Variants in SOS2 observed in about 807,000 individuals in gnomAD.
SOS2 encodes the protein SOS Ras/Rho guanine nucleotide exchange factor 2.
In SOS2, 65 loss-of-function variants were observed where a neutral mutation model predicts 148.2. The observed-to-expected ratio is 0.44, with a 90% confidence interval of 0.36 to 0.54. SOS2 has a LOEUF of 0.54. Among genes scored for constraint, SOS2 ranks in the 20% least tolerant of loss-of-function variants. SOS2 has a pLI of 0.00. For missense variants in SOS2, 1,341 were observed against 1,590.2 expected (o/e 0.84, Z 2.67); for synonymous variants, 539 against 537.1 (o/e 1.00, Z -0.05).
intron 2 of SOS2, 51 bp from the exon 3 acceptor site, chr14:50,201,135 T>G: frequency 6.4e-7 from 1 of 1,563,138 alleles, no homozygotes; most frequent in East Asian, 2.2e-5. Context: ...TGTTCATAAA[T>G]AGGAAATTCA....
intron 13 of SOS2, among the ~76,000 whole-genome samples, chr14:50,152,228 C>G (rs1884681125): frequency 6.6e-6 from 1 of 152,090 alleles, no homozygotes; most frequent in Non-Finnish European, 1.5e-5. Flanking sequence ...CATAAATGTT[C>G]TTGATTCAAT....
chr14:50,141,590 C>A (rs1268393004), intron 16 of SOS2, among the ~76,000 whole-genome samples: 6 of 150,584 alleles, frequency 4.0e-5, no homozygotes, highest in Non-Finnish European at 3.0e-5. Flanking sequence ...TCTGTCAAAA[C>A]AAAAAAAACC....
chr14:50,140,279 A>G (rs1329112569), intron 16 of SOS2, among the ~76,000 whole-genome samples: 3 of 152,212 alleles, frequency 2.0e-5, no homozygotes, highest in African/African-American at 7.2e-5. Flanking sequence ...TTAGAAGATC[A>G]AGCAATACAA....
At position 50,118,445 on chromosome 14, in the gene SOS2, G is replaced by A. The variant is rs1340925625; in HGVS notation, c.3898C>T (p.Pro1300Ser). The change falls in exon 23 of 23, where the codon CCT (proline) becomes TCT (serine). Residue 1300 changes from proline (P) to serine (S), a missense_variant. Pro to Ser is a moderately conservative substitution (Grantham distance 74). Transcript: ENST00000216373. ...TTTGGTGGCAGTTTTGGCAGATGAGGGCTTGAATTCTGCCTTGGTGGAACA... is the reference window on the plus strand; with the variant it reads ...TTTGGTGGCAGTTTTGGCAGATGAGAGCTTGAATTCTGCCTTGGTGGAACA... ...PPVPPRQNSS[P>S]HLPKLPPKTY... The A allele has an allele frequency of 7.4e-6, 12 of 1,613,972 alleles. No individual in the cohort carries two copies. The highest frequency in any genetic ancestry group is 1.3e-5 in the African/African-American group (1 of 74,898).
intron 4 of SOS2, among the ~76,000 whole-genome samples, chr14:50,193,084 C>G (rs1275861774): frequency 6.6e-6 from 1 of 152,070 alleles, no homozygotes; most frequent in Non-Finnish European, 1.5e-5. Flanking sequence ...AAACAATCCT[C>G]CCACCTCAGC....
chr14:50,173,366 A>C (rs10143630), intron 8 of SOS2, among the ~76,000 whole-genome samples: 130,744 of 151,990 alleles, frequency 0.86, 56,343 homozygotes, highest in East Asian at 0.91. Flanking sequence ...CTCTTTTTTA[A>C]GTTCTTTTTT....
chr14:50,173,281 G>T (rs1207046881), intron 8 of SOS2, among the ~76,000 whole-genome samples: 1 of 152,050 alleles, frequency 6.6e-6, no homozygotes, highest in Non-Finnish European at 1.5e-5. Flanking sequence ...TAAAATAAAA[G>T]CCATAATAAT....
intron 8 of SOS2, among the ~76,000 whole-genome samples, chr14:50,163,102 C>A (rs929807746): frequency 6.6e-6 from 1 of 150,770 alleles, no homozygotes; most frequent in Non-Finnish European, 1.5e-5. Flanking sequence ...GAGATGGGGT[C>A]TCACTATGCT....
At chr14:50,189,061 T>A (rs1485607262) in intron 4 of SOS2, among the ~76,000 whole-genome samples, 1 of 128,688 alleles carries the variant, frequency 7.8e-6, no homozygotes, top group Non-Finnish European at 1.6e-5. Context: ...CGAGACTCCA[T>A]CACACACACA....
chr14:50,140,118 G>T, intron 16 of SOS2, 59 bp from the exon 17 acceptor site: 2 of 855,986 alleles, frequency 2.3e-6, no homozygotes, highest in Non-Finnish European at 3.7e-6. Context: ...TTTTATAAAT[G>T]CAAACCTTTA....
At position 50,150,196 on chromosome 14, in the gene SOS2, A is replaced by G. The variant is rs147946741; in HGVS notation, c.2196T>C (p.Ala732=). The change falls in exon 14 of 23, where the codon GCT becomes GCC. Residue 732 remains alanine (A), a synonymous_variant. Transcript: ENST00000216373. ...KAMKKWVESI[A]KIIRRKKQAQ... ...CTTGCTTCTTCCTCCTGATGATCTT[A>G]GCAATTGACTCTACCCATTTTTTCA... is the stretch of plus-strand genomic sequence containing the variant. The G allele has an allele frequency of 2.5e-6, 4 of 1,612,956 alleles. No homozygotes were observed. The African/African-American group carries it at 5.3e-5, about 22-fold the overall frequency.
rs768766517 is a variant in SOS2, at chr14:50,172,419, C to CTTTTTTTTTTTTTTTTTT, written c.1068+2034_1068+2035insAAAAAAAAAAAAAAAAAA. On this transcript the variant is annotated intron_variant, in intron 8 of 22. Coordinates refer to ENST00000216373, the MANE Select transcript of SOS2 (RefSeq NM_006939.4). ...ATGGGTAGTTTCTCTTTATTCATTC[C>CTTTTTTTTTTTTTTTTTT]TTTTTTTTTTTTTTCTGAGATGGAG... Among the ~76,000 whole-genome samples the CTTTTTTTTTTTTTTTTTT allele has an allele frequency of 1.4e-3, 117 of 82,730 alleles. 19 individuals carry two copies. The highest frequency in any genetic ancestry group is 0.01 in the Middle Eastern group (1 of 100). 54.3% of individuals were successfully genotyped at this position (82,730 alleles called of 152,430 possible). A position where few individuals can be genotyped will look rare whatever the true frequency, so the allele number is the denominator to read the frequency against.
chr14:50,213,323 T>C (rs1435571465), intron 1 of SOS2, among the ~76,000 whole-genome samples: 1 of 152,184 alleles, frequency 6.6e-6, no homozygotes, highest in Non-Finnish European at 1.5e-5. Context: ...GTGTACTACA[T>C]AGAAAAACAC....
intron 18 of SOS2, among the ~76,000 whole-genome samples, chr14:50,138,322 A>G (rs1884153284): frequency 6.6e-6 from 1 of 151,406 alleles, no homozygotes; most frequent in Non-Finnish European, 1.5e-5. Flanking sequence ...ATGCCCAGCT[A>G]ATTTTTTTTT....
chr14:50,171,323 G>T lies in SOS2; in HGVS notation c.1068+3131C>A, dbSNP rs116488624. On this transcript the variant is annotated intron_variant, in intron 8 of 22. Coordinates refer to ENST00000216373, the MANE Select transcript of SOS2 (RefSeq NM_006939.4). ...TATACATAAAATAATTCAAAGCAAGGTCTCAAAGACATATTTGTACACTCA... is the reference window on the plus strand; with the variant it reads ...TATACATAAAATAATTCAAAGCAAGTTCTCAAAGACATATTTGTACACTCA... Among the ~76,000 whole-genome samples, 1,185 of 151,830 alleles carry T rather than the reference G, an allele frequency of 7.8e-3. 13 individuals are homozygous for T. Among genetic ancestry groups the T allele is most frequent in the Middle Eastern group, 0.065 (19 of 294 alleles).
intron 7 of SOS2, among the ~76,000 whole-genome samples, chr14:50,178,454 T>C (rs1566839393): frequency 1.3e-5 from 2 of 151,746 alleles, no homozygotes; most frequent in African/African-American, 2.4e-5. Flanking sequence ...AATCACCCAG[T>C]CTCAGTCTTC....
At chr14:50,178,047 TATA>T (rs1555371242) in intron 7 of SOS2, among the ~76,000 whole-genome samples, 1 of 152,098 alleles carries the variant, frequency 6.6e-6, no homozygotes, top group Non-Finnish European at 1.5e-5. Flanking sequence ...GGATAATAGC[TATA>T]ATAATTAAGA....
intron 4 of SOS2, among the ~76,000 whole-genome samples, chr14:50,189,076 C>T (rs925919291): frequency 1.5e-4 from 22 of 149,738 alleles, no homozygotes; most frequent in East Asian, 3.9e-4. Context: ...CACACACACA[C>T]ACACACACAC....
chr14:50,141,928 GGAACA>G (rs1884304062), intron 16 of SOS2, among the ~76,000 whole-genome samples: 2 of 152,124 alleles, frequency 1.3e-5, no homozygotes, highest in Middle Eastern at 3.4e-3. Flanking sequence ...ATAGATCAAA[GGAACA>G]GAACAGAGAG....
Sources: gnomAD v4.1 joint callset for allele counts (sites outside exome capture counted in the v4.1 genomes callset) on GRCh38, gnomAD v4.1.1 for gene constraint, MANE v1.5 for transcripts, NCBI Gene and HGNC (gene_info 2026-07-23, HGNC 2026-07-21) for gene names.